Variants in TCF20 observed in about 807,000 individuals in gnomAD.
The protein encoded by TCF20 is SPRE-binding protein.
A neutral mutation model predicts 148.6 loss-of-function variants in TCF20; 3 were observed. That is an observed-to-expected ratio of 0.02 (90% CI 0.01 to 0.05). The LOEUF (loss-of-function observed/expected upper bound fraction) is 0.05. TCF20 is among the 10% of genes least tolerant of loss of function. The probability of loss-of-function intolerance (pLI) is 1.00; values close to 1 mark genes in which losing one functional copy is unlikely to be tolerated. For synonymous variants in TCF20, 1,049 were observed against 909.5 expected (o/e 1.15, Z -2.76); for missense variants, 2,350 against 2,429.3 (o/e 0.97, Z 0.69).
chr22:42,170,283 G>T (rs931732919), intron 3 of TCF20, among the ~76,000 whole-genome samples: 4 of 150,292 alleles, frequency 2.7e-5, no homozygotes, highest in African/African-American at 9.8e-5. Flanking sequence ...AAGATCACTT[G>T]AATCCAAGAG....
At chr22:42,275,257 CTCGGGCAGG>C (rs1926749616), upstream of TCF20, 2 of 152,250 alleles carry the variant, frequency 1.3e-5, no homozygotes, top group African/African-American at 2.4e-5. Flanking sequence ...CACTGGGCAG[CTCGGGCAGG>C]TCGGGGGGCC....
chr22:42,205,667 T>C (rs1938336092), intron 2 of TCF20, among the ~76,000 whole-genome samples: 1 of 152,226 alleles, frequency 6.6e-6, no homozygotes, highest in Non-Finnish European at 1.5e-5. Flanking sequence ...TAATTTGTCC[T>C]TGAGTGCACT....
At chr22:42,307,770 A>G (rs1331763755) in intron 1 of TCF20, among the ~76,000 whole-genome samples, 1 of 152,206 alleles carries the variant, frequency 6.6e-6, no homozygotes, top group Admixed American at 6.5e-5. Flanking sequence ...GGTAAGCCCC[A>G]TGGCTCTCTG....
rs563291028 is a variant in TCF20, at chr22:42,323,298, G to A, written c.-37+20181C>T. Reference sequence around the variant, plus strand: ...AGCCCGGAAGGGTCTGAGCCTCGTGGAAGGGTGGGTGGGATGGCAGGGTGG... The same window carrying A: ...AGCCCGGAAGGGTCTGAGCCTCGTGAAAGGGTGGGTGGGATGGCAGGGTGG... On this transcript the variant is annotated intron_variant, in intron 1 of 1. Coordinates refer to the TCF20 transcript ENST00000515426. 3.3e-5 allele frequency among the ~76,000 whole-genome samples: 5 copies of A among 150,868 alleles called. No homozygotes were observed. In the East Asian group the frequency reaches 9.7e-4, roughly 29 times the overall value.
intron 1 of TCF20, among the ~76,000 whole-genome samples, chr22:42,254,711 G>T (rs1355831663): frequency 1.3e-5 from 2 of 152,132 alleles, no homozygotes; most frequent in East Asian, 3.9e-4. Context: ...AAAAGGAGCT[G>T]GTCCCAGCAC....
chr22:42,266,953 T>C (rs1317665811), intron 1 of TCF20, among the ~76,000 whole-genome samples: 1 of 152,030 alleles, frequency 6.6e-6, no homozygotes, highest in African/African-American at 2.4e-5. Context: ...AAGTGTAATA[T>C]ACATGTGAGC....
intron 1 of TCF20, among the ~76,000 whole-genome samples, chr22:42,227,577 G>A (rs187536047): frequency 2.5e-3 from 381 of 152,288 alleles, no homozygotes; most frequent in Non-Finnish European, 4.7e-3. Context: ...GACCCCATTT[G>A]AATTTTGTCA....
At position 42,290,644 on chromosome 22, in the gene TCF20, G is replaced by GC. The variant is rs1231896213; in HGVS notation, c.-37+52834dup. Among the ~76,000 whole-genome samples the GC allele has an allele frequency of 6.6e-6, 1 of 152,182 alleles. No homozygotes were observed. The highest frequency in any genetic ancestry group is 2.4e-5 in the African/African-American group (1 of 41,440). On this transcript the variant is annotated intron_variant, in intron 1 of 1. Coordinates refer to the TCF20 transcript ENST00000515426. This position sits in a 1 kb window ranked among gnomAD's most constrained non-coding sequence, Gnocchi z 4.2. ...GGGTACCAGAGGAGAAGGAGCGCGTGCCCCTGAGCCCACTCGCTGTGGCTG... is the reference window on the plus strand; with the variant it reads ...GGGTACCAGAGGAGAAGGAGCGCGTGCCCCCTGAGCCCACTCGCTGTGGCTG...
At chr22:42,189,633 A>G (rs540167959) in intron 2 of TCF20, among the ~76,000 whole-genome samples, 28 of 152,242 alleles carry the variant, frequency 1.8e-4, no homozygotes, top group Non-Finnish European at 3.5e-4. Flanking sequence ...GACACGAGGA[A>G]GAGACTAGGC....
chr22:42,255,617 T>C (rs1925698738), intron 1 of TCF20, among the ~76,000 whole-genome samples: 1 of 152,174 alleles, frequency 6.6e-6, no homozygotes, highest in Non-Finnish European at 1.5e-5. Context: ...GATGCCAAAA[T>C]TTCCTGTAAA....
intron 2 of TCF20, among the ~76,000 whole-genome samples, chr22:42,185,292 C>T (rs908260903): frequency 6.6e-6 from 1 of 152,344 alleles, no homozygotes; most frequent in Non-Finnish European, 1.5e-5. Flanking sequence ...ACAATATTTA[C>T]TTACTCATGT....
chr22:42,271,946 G>A (rs150660446), upstream of TCF20, among the ~76,000 whole-genome samples: 403 of 147,734 alleles, frequency 2.7e-3, 2 homozygotes, highest in African/African-American at 9.3e-3. Flanking sequence ...CTTTTCTCAG[G>A]CTACCCAAGG....
At chr22:42,230,476 A>T (rs1027449712) in intron 1 of TCF20, among the ~76,000 whole-genome samples, 1 of 152,154 alleles carries the variant, frequency 6.6e-6, no homozygotes, top group Non-Finnish European at 1.5e-5. Flanking sequence ...TATGTATTCT[A>T]CTTATAAAAA....
chr22:42,198,395 C>T (rs1037920632), intron 2 of TCF20, among the ~76,000 whole-genome samples: 3 of 152,178 alleles, frequency 2.0e-5, no homozygotes, highest in African/African-American at 7.2e-5. Flanking sequence ...GCAGTCATTA[C>T]AGTCATTCCT....
intron 3 of TCF20, among the ~76,000 whole-genome samples, chr22:42,171,311 T>C (rs959773970): frequency 4.6e-5 from 7 of 152,200 alleles, no homozygotes; most frequent in African/African-American, 1.7e-4. Flanking sequence ...GCAGCCACGG[T>C]ACTTATCCTT....
rs563765846 is a variant in TCF20 at position 42,331,076 on chromosome 22, G to A, written c.-37+12403C>T. Among the ~76,000 whole-genome samples the A allele has an allele frequency of 9.2e-5, 14 of 152,346 alleles. No homozygotes were observed. In the East Asian group the frequency reaches 2.5e-3, roughly 27 times the overall value. On this transcript the variant is annotated intron_variant, in intron 1 of 1. Transcript: ENST00000515426. ...GGGCATGCGGTTGCACTGCTGAGTC[G>A]GGCAGCTGGCAGCAGCACAGCTACG... is the stretch of plus-strand genomic sequence containing the variant.
At position 42,317,686 on chromosome 22, in the gene TCF20, C is replaced by T. The variant is rs566895836; in HGVS notation, c.-37+25793G>A. 1.1e-3 allele frequency among the ~76,000 whole-genome samples: 166 copies of T among 151,964 alleles called. 2 individuals are homozygous for T. The South Asian group carries it at 0.033, about 31-fold the overall frequency. ...GGGTGTAGACTCAGCCGCAGGACAG[C>T]GGGAGGGTGGGGGTTCTGTGGGCCT... On this transcript the variant is annotated intron_variant, in intron 1 of 1. Transcript: ENST00000515426. The surrounding 1 kb of genome is among the most constrained non-coding windows in gnomAD (Gnocchi z 4.2).
At chr22:42,189,922 G>GC (rs1316310419) in intron 2 of TCF20, among the ~76,000 whole-genome samples, 13 of 152,312 alleles carry the variant, frequency 8.5e-5, no homozygotes, top group African/African-American at 3.1e-4. Context: ...GAAAGCTGGG[G>GC]CGGAGAGGAA....
Position 42,161,204 on chromosome 22 carries a change from C to A in TCF20, c.*199G>T. 1 of 814,930 alleles carries A rather than the reference C, an allele frequency of 1.2e-6. No individual in the cohort carries two copies. Among genetic ancestry groups the A allele is most frequent in the Non-Finnish European group, 1.8e-6 (1 of 553,878 alleles). 50.5% of individuals were successfully genotyped at this position (814,930 alleles called of 1,614,324 possible). A position where few individuals can be genotyped will look rare whatever the true frequency, so the allele number is the denominator to read the frequency against. ...CTTGGGTCTTTCTTTCCTGTGGTGT[C>A]ACTGGTTTGAGTGTGATGTGAGAAC... On this transcript the variant is annotated 3_prime_UTR_variant, in exon 6 of 6. Coordinates refer to ENST00000677622, the MANE Select transcript of TCF20 (RefSeq NM_001378418.1).
Sources: gnomAD v4.1 joint callset for allele counts (sites outside exome capture counted in the v4.1 genomes callset) on GRCh38, gnomAD v4.1.1 for gene constraint, Gnocchi (gnomAD v3.1) non-coding constraint, MANE v1.5 for transcripts, NCBI Gene and HGNC (gene_info 2026-07-23, HGNC 2026-07-21) for gene names.